The following LEPR variants were observed in gnomAD, a reference collection of about 807,000 sequenced individuals.
LEPR encodes leptin receptor, also known as OB receptor.
Under a neutral mutation model 114.7 loss-of-function variants are expected in LEPR, and 56 were observed. The observed-to-expected ratio is 0.49, with a 90% CI of 0.39 to 0.61. LEPR has a LOEUF of 0.61. Ranked by LOEUF, LEPR falls within the 20% of genes least tolerant of loss-of-function variation. The pLI is 0.00. For missense variants in LEPR, 1,202 were observed against 1,352.9 expected (o/e 0.89, Z 1.75); for synonymous variants, 443 against 461.4 (o/e 0.96, Z 0.51).
intron 2 of LEPR, chr1:65,525,519 T>C (rs1475503754): frequency 3.3e-6 from 2 of 608,608 alleles, no homozygotes; most frequent in Non-Finnish European, 2.1e-6. Context: ...GCGACCGCCC[T>C]AGCCGCTCGA....
chr1:65,554,272 G>T (rs747735263), intron 2 of LEPR, among the ~76,000 whole-genome samples: 83 of 152,298 alleles, frequency 5.4e-4, no homozygotes, highest in Non-Finnish European at 1.0e-3. Flanking sequence ...GAGCCATCAG[G>T]CAGGAATGTT....
chr1:65,519,110 TCC>T lies in LEPR; in HGVS notation c.-20-46435_-20-46434del, dbSNP rs1303777225. Among the ~76,000 whole-genome samples the T allele has an allele frequency of 8.5e-4, 7 of 8,212 alleles. No homozygotes were observed. In the East Asian group the frequency reaches 0.027, roughly 31 times the overall value. The allele number at this position is 8,212 out of a possible 152,430, so 5.4% of individuals were successfully genotyped here. ...TCCTTCCATCCTCTGTGTCTCTCTCTCCTTCCTTCCTTCCTTCCTTCCTTCCT... is the reference window on the plus strand; with the variant it reads ...TCCTTCCATCCTCTGTGTCTCTCTCTTTCCTTCCTTCCTTCCTTCCTTCCT... On this transcript the variant is annotated intron_variant, in intron 2 of 19. Coordinates refer to ENST00000349533, the MANE Select transcript of LEPR (RefSeq NM_002303.6).
chr1:65,618,732 TCTC>T (rs755291387), intron 16 of LEPR, among the ~76,000 whole-genome samples: 29 of 152,280 alleles, frequency 1.9e-4, no homozygotes, highest in Non-Finnish European at 3.1e-4. Flanking sequence ...ATATCAATTT[TCTC>T]CTCATTTCTT....
At chr1:65,626,772 T>C (rs1658243357) in intron 19 of LEPR, among the ~76,000 whole-genome samples, 1 of 152,072 alleles carries the variant, frequency 6.6e-6, no homozygotes, top group African/African-American at 2.4e-5. Flanking sequence ...TCCCCTTTAG[T>C]AGCTGGGACC....
At chr1:65,440,483 G>A (rs979899929) in intron 2 of LEPR, among the ~76,000 whole-genome samples, 7 of 152,210 alleles carry the variant, frequency 4.6e-5, no homozygotes, top group Non-Finnish European at 7.4e-5. Context: ...GTGAGTGTGC[G>A]TGTGGGCGTG....
At chr1:65,447,797 T>A (rs938563502) in intron 2 of LEPR, among the ~76,000 whole-genome samples, 1 of 152,192 alleles carries the variant, frequency 6.6e-6, no homozygotes, top group Non-Finnish European at 1.5e-5. Context: ...CACCTCAGCC[T>A]CCTAAAGTGC....
At chr1:65,522,815 C>A (rs1411368666) in intron 2 of LEPR, among the ~76,000 whole-genome samples, 1 of 146,008 alleles carries the variant, frequency 6.8e-6, no homozygotes, top group Non-Finnish European at 1.5e-5. Context: ...ATTTCCTTTT[C>A]ACATCAAAGC....
At chr1:65,616,351 TTC>T (rs1348233352) in intron 15 of LEPR, 127 bp downstream of exon 15, 9 of 983,886 alleles carry the variant, frequency 9.1e-6, no homozygotes, top group Admixed American at 4.5e-5. Flanking sequence ...TCTTTCACCT[TTC>T]ATTTCCTTTG....
intron 5 of LEPR, among the ~76,000 whole-genome samples, chr1:65,575,325 C>G (rs1159932854): frequency 6.8e-6 from 1 of 147,096 alleles, no homozygotes; most frequent in Non-Finnish European, 1.5e-5. Flanking sequence ...ATAGCTTAAC[C>G]ACCAGCAAAA....
At chr1:65,598,505 T>C (rs1483843053) in intron 7 of LEPR, among the ~76,000 whole-genome samples, 155 bp from the exon 8 acceptor site, 6 of 152,150 alleles carry the variant, frequency 3.9e-5, no homozygotes, top group Middle Eastern at 3.2e-3. Flanking sequence ...AACTTTTTTT[T>C]TGGTTATTGA....
chr1:65,572,643 T>G (rs1482069336), intron 5 of LEPR, among the ~76,000 whole-genome samples, 194 bp downstream of exon 5: 2 of 152,054 alleles, frequency 1.3e-5, no homozygotes, highest in Non-Finnish European at 2.9e-5. Context: ...GACAGTCAGG[T>G]TTAGGGTCAC....
At chr1:65,507,894 G>A (rs1043328830) in intron 2 of LEPR, among the ~76,000 whole-genome samples, 1 of 152,114 alleles carries the variant, frequency 6.6e-6, no homozygotes, top group Non-Finnish European at 1.5e-5. Flanking sequence ...CAGGCATGAG[G>A]TGATATCCCA....
intron 15 of LEPR, among the ~76,000 whole-genome samples, 172 bp from the exon 16 acceptor site, chr1:65,617,792 T>C (rs939783783): frequency 1.3e-5 from 2 of 152,236 alleles, no homozygotes; most frequent in Non-Finnish European, 2.9e-5. Flanking sequence ...CATATCTCTC[T>C]GTTTAAATGA....
chr1:65,618,484 C>A (rs1367827429), intron 16 of LEPR, among the ~76,000 whole-genome samples: 1 of 151,894 alleles, frequency 6.6e-6, no homozygotes. Flanking sequence ...CACCATCACA[C>A]CCAGCTAATT....
intron 2 of LEPR, among the ~76,000 whole-genome samples, chr1:65,494,773 T>C (rs1648066615): frequency 6.6e-6 from 1 of 152,042 alleles, no homozygotes; most frequent in Non-Finnish European, 1.5e-5. Flanking sequence ...CTTTGGCGCC[T>C]AATCTCCTGC....
At chr1:65,573,713 A>C (rs1410929540) in intron 5 of LEPR, among the ~76,000 whole-genome samples, 1 of 152,198 alleles carries the variant, frequency 6.6e-6, no homozygotes, top group African/African-American at 2.4e-5. Flanking sequence ...AACTGTCCCT[A>C]TACAAATGAA....
At chr1:65,628,535 C>T (rs1658348722) in intron 19 of LEPR, among the ~76,000 whole-genome samples, 1 of 152,114 alleles carries the variant, frequency 6.6e-6, no homozygotes, top group Non-Finnish European at 1.5e-5. Context: ...CTTTGAAGTA[C>T]TGAAAATGTT....
intron 19 of LEPR, chr1:65,634,825 A>G (rs1321453030): frequency 1.1e-6 from 1 of 900,322 alleles, no homozygotes; most frequent in Non-Finnish European, 1.3e-6. Context: ...AAGAAAAAAG[A>G]AAATGAGCAA....
intron 2 of LEPR, among the ~76,000 whole-genome samples, chr1:65,437,673 A>T (rs990744977): frequency 3.3e-5 from 5 of 152,098 alleles, no homozygotes; most frequent in African/African-American, 7.2e-5. Context: ...CAGTGTAAGT[A>T]GAAAAAAACT....
Sources: gnomAD v4.1 joint callset for allele counts (sites outside exome capture counted in the v4.1 genomes callset) on GRCh38, gnomAD v4.1.1 for gene constraint, MANE v1.5 for transcripts, NCBI Gene and HGNC (gene_info 2026-07-23, HGNC 2026-07-21) for gene names.